EIF3H: variants seen among roughly 807,000 people sequenced by gnomAD.
The protein encoded by EIF3H is eIF-3-gamma.
Under a neutral mutation model 44.2 loss-of-function variants are expected in EIF3H, and 26 were observed. The observed-to-expected ratio is 0.59, with a 90% CI of 0.43 to 0.82. The LOEUF (loss-of-function observed/expected upper bound fraction) is 0.82. Among genes scored for constraint, EIF3H ranks in the 40% least tolerant of loss-of-function variants. EIF3H has a pLI of 0.00. For synonymous variants in EIF3H, 166 were observed against 151.9 expected (o/e 1.09, Z -0.68); for missense variants, 359 against 432.8 (o/e 0.83, Z 1.51).
chr8:116,721,492 T>C (rs1296609879), intron 2 of EIF3H, among the ~76,000 whole-genome samples: 2 of 152,212 alleles, frequency 1.3e-5, no homozygotes, highest in Non-Finnish European at 2.9e-5. Context: ...CTAGTGGAGC[T>C]GTGAGAAGAC....
At chr8:116,695,953 G>T (rs1173487435) in intron 2 of EIF3H, among the ~76,000 whole-genome samples, 2 of 152,234 alleles carry the variant, frequency 1.3e-5, no homozygotes, top group African/African-American at 4.8e-5. Flanking sequence ...GGAGCTATCA[G>T]TGTAAACTCA....
intron 2 of EIF3H, among the ~76,000 whole-genome samples, chr8:116,671,251 G>A (rs1191518504): frequency 2.6e-5 from 4 of 152,122 alleles, no homozygotes; most frequent in African/African-American, 7.2e-5. Context: ...AAAAATTGTC[G>A]TTCAATGTAG....
intron 2 of EIF3H, among the ~76,000 whole-genome samples, chr8:116,686,448 A>T (rs970262272): frequency 4.6e-5 from 7 of 152,222 alleles, no homozygotes; most frequent in Non-Finnish European, 7.4e-5. Flanking sequence ...CAATAAAAAT[A>T]AAAAGGTTGT....
chr8:116,736,797 G>A (rs551352142), intron 1 of EIF3H, among the ~76,000 whole-genome samples: 1 of 152,098 alleles, frequency 6.6e-6, no homozygotes, highest in East Asian at 1.9e-4. Flanking sequence ...AGAGTTCAAA[G>A]GTCCCCTGAG....
At chr8:116,728,791 T>C (rs1242213577) in intron 1 of EIF3H, among the ~76,000 whole-genome samples, 3 of 152,180 alleles carry the variant, frequency 2.0e-5, no homozygotes, top group Non-Finnish European at 4.4e-5. Flanking sequence ...AGCTGTGACC[T>C]TGAGAAAGCT....
intron 2 of EIF3H, among the ~76,000 whole-genome samples, chr8:116,699,526 T>A (rs948304849): frequency 6.6e-6 from 1 of 151,960 alleles, no homozygotes; most frequent in Admixed American, 6.6e-5. Context: ...AAGATGAGAA[T>A]AGAAGACACT....
chr8:116,671,399 A>G (rs938513086), intron 2 of EIF3H, among the ~76,000 whole-genome samples: 11 of 152,216 alleles, frequency 7.2e-5, no homozygotes, highest in Non-Finnish European at 1.6e-4. Context: ...ACCAGGTAAT[A>G]TCATCTTAAC....
rs1326588565 is a variant in EIF3H, at chr8:116,644,040, AAAT to A, written c.*963_*965del. ...TTTCGGAAGACAAATGTGAAGTCCTAAATAATATAAACAAAATGAAGTTTACTT... is the reference window on the plus strand; with the variant it reads ...TTTCGGAAGACAAATGTGAAGTCCTAAATATAAACAAAATGAAGTTTACTT... On this transcript the variant is annotated 3_prime_UTR_variant, in exon 8 of 8. Transcript: ENST00000521861. 6.6e-6 allele frequency: 1 copy of A among 152,230 alleles called. No homozygotes were observed. Among genetic ancestry groups the A allele is most frequent in the Non-Finnish European group, 1.5e-5 (1 of 68,052 alleles). The allele number at this position is 152,230 out of a possible 1,614,324, so 9.4% of individuals were successfully genotyped here. A position where few individuals can be genotyped will look rare whatever the true frequency, so the allele number is the denominator to read the frequency against.
At chr8:116,736,835 C>A (rs1815049789) in intron 1 of EIF3H, among the ~76,000 whole-genome samples, 1 of 152,110 alleles carries the variant, frequency 6.6e-6, no homozygotes. Flanking sequence ...GAGCTAAGAA[C>A]CACAACTATA....
At chr8:116,665,838 T>C (rs890288701) in intron 2 of EIF3H, among the ~76,000 whole-genome samples, 1 of 152,234 alleles carries the variant, frequency 6.6e-6, no homozygotes, top group Non-Finnish European at 1.5e-5. Flanking sequence ...TCAGGCAATG[T>C]TCAAAGCTAC....
intron 2 of EIF3H, among the ~76,000 whole-genome samples, chr8:116,693,973 G>A (rs1037280686): frequency 1.3e-5 from 2 of 152,062 alleles, no homozygotes; most frequent in Non-Finnish European, 2.9e-5. Flanking sequence ...CTGGCCAGAT[G>A]TATCATATTT....
intron 1 of EIF3H, among the ~76,000 whole-genome samples, chr8:116,743,769 C>CATATATATATATATATATATAT (rs150883678): frequency 2.1e-5 from 2 of 96,992 alleles, no homozygotes; most frequent in African/African-American, 3.9e-5. Context: ...AAAATACATA[C>CATATATATATATATATATATAT]ATATATATAT....
At chr8:116,737,296 GA>G (rs11284390) in intron 1 of EIF3H, 80,711 of 392,690 alleles carry the variant, frequency 0.21, 8,722 homozygotes, top group African/African-American at 0.38. Flanking sequence ...CCCTGGGGAA[GA>G]AAAAAAAAAG....
At chr8:116,676,866 T>C (rs1813857682) in intron 2 of EIF3H, among the ~76,000 whole-genome samples, 1 of 152,196 alleles carries the variant, frequency 6.6e-6, no homozygotes, top group East Asian at 1.9e-4. Context: ...TTGTTTTGTC[T>C]ACATTTTCCA....
intron 1 of EIF3H, among the ~76,000 whole-genome samples, chr8:116,741,615 C>T (rs890980743): frequency 2.0e-5 from 3 of 152,196 alleles, no homozygotes; most frequent in South Asian, 2.1e-4. Context: ...AATTCCTACT[C>T]GGCTTTATTA....
chr8:116,692,527 GGAACTT>G (rs1814196458), intron 2 of EIF3H, among the ~76,000 whole-genome samples: 1 of 152,064 alleles, frequency 6.6e-6, no homozygotes, highest in Admixed American at 6.5e-5. Context: ...TAACCTAACT[GGAACTT>G]GAGCAAAACA....
intron 2 of EIF3H, among the ~76,000 whole-genome samples, chr8:116,697,591 T>A (rs1586462096): frequency 6.6e-6 from 1 of 152,248 alleles, no homozygotes; most frequent in Non-Finnish European, 1.5e-5. Flanking sequence ...TCCCACTGCA[T>A]TATGTTACAA....
chr8:116,696,969 G>T, intron 2 of EIF3H: 1 of 362,378 alleles, frequency 2.8e-6, no homozygotes, highest in Non-Finnish European at 5.5e-6. Flanking sequence ...AAAAAGCTAG[G>T]ACACCAACCC....
intron 2 of EIF3H, among the ~76,000 whole-genome samples, chr8:116,664,110 C>A (rs1324229064): frequency 1.3e-5 from 2 of 152,122 alleles, no homozygotes; most frequent in African/African-American, 4.8e-5. Context: ...GTAAGCATGT[C>A]CCAAGCAAAG....
Sources: gnomAD v4.1 joint callset for allele counts (sites outside exome capture counted in the v4.1 genomes callset) on GRCh38, gnomAD v4.1.1 for gene constraint, MANE v1.5 for transcripts, NCBI Gene and HGNC (gene_info 2026-07-23, HGNC 2026-07-21) for gene names.